KCNK10: variants seen among roughly 807,000 people sequenced by gnomAD.
KCNK10 encodes the protein potassium channel subfamily K member 10.
A neutral mutation model predicts 47.7 loss-of-function variants in KCNK10; 25 were observed. The observed-to-expected ratio is 0.52, with a 90% CI of 0.38 to 0.73. KCNK10 has a LOEUF of 0.73. Ranked by LOEUF, KCNK10 falls within the 30% of genes least tolerant of loss-of-function variation. The pLI is 0.00. For missense variants in KCNK10, 563 were observed against 714.5 expected, an observed-to-expected ratio of 0.79 and a Z score of 2.42; for synonymous variants, 303 against 285.6, an observed-to-expected ratio of 1.06 and a Z score of -0.61.
intron 4 of KCNK10, among the ~76,000 whole-genome samples, chr14:88,193,432 C>CT (rs1446447626): frequency 1.3e-4 from 20 of 152,288 alleles, no homozygotes; most frequent in African/African-American, 4.6e-4. Context: ...CTGAAAAACT[C>CT]TAAGCTGAAA....
intron 2 of KCNK10, among the ~76,000 whole-genome samples, chr14:88,262,494 C>T (rs958908531): frequency 1.3e-5 from 2 of 152,208 alleles, no homozygotes; most frequent in African/African-American, 4.8e-5. Context: ...CTTACCGCCA[C>T]AGTCCACCCC....
At chr14:88,224,727 C>T (rs950574020) in intron 4 of KCNK10, among the ~76,000 whole-genome samples, 1 of 152,152 alleles carries the variant, frequency 6.6e-6, no homozygotes, top group African/African-American at 2.4e-5. Flanking sequence ...CTAATGCCTC[C>T]GCCTCCCAAG....
chr14:88,268,366 C>T (rs576643227), intron 1 of KCNK10, among the ~76,000 whole-genome samples: 1 of 152,222 alleles, frequency 6.6e-6, no homozygotes. Flanking sequence ...ATCACCAACA[C>T]CCACTCCAGT....
At chr14:88,304,712 T>C (rs1888172231) in intron 1 of KCNK10, among the ~76,000 whole-genome samples, 1 of 152,236 alleles carries the variant, frequency 6.6e-6, no homozygotes, top group Non-Finnish European at 1.5e-5. Context: ...AATGCTGAAG[T>C]GCTATCCAGT....
chr14:88,270,864 T>G, intron 1 of KCNK10: 1 of 779,976 alleles, frequency 1.3e-6, no homozygotes, highest in Non-Finnish European at 2.4e-6. Context: ...AACAATGCTC[T>G]GAAGGCGCCA....
chr14:88,289,783 A>G (rs1212687111), intron 1 of KCNK10, among the ~76,000 whole-genome samples: 3 of 152,222 alleles, frequency 2.0e-5, no homozygotes, highest in African/African-American at 4.8e-5. Flanking sequence ...AATGGAAATT[A>G]TACCTTTCCC....
At chr14:88,281,751 T>TATAC (rs1491147685) in intron 1 of KCNK10, among the ~76,000 whole-genome samples, 1 of 138,124 alleles carries the variant, frequency 7.2e-6, no homozygotes, top group African/African-American at 2.6e-5. Context: ...TATATATATA[T>TATAC]ACACATACAC....
intron 1 of KCNK10, among the ~76,000 whole-genome samples, chr14:88,310,238 T>TATCATATG (rs1555365620): frequency 6.9e-6 from 1 of 145,970 alleles, no homozygotes; most frequent in Non-Finnish European, 1.5e-5. Context: ...TGATATACCA[T>TATCATATG]ATAAATGATA....
chr14:88,203,403 C>A (rs555068523), intron 4 of KCNK10, among the ~76,000 whole-genome samples: 1 of 152,174 alleles, frequency 6.6e-6, no homozygotes, highest in Admixed American at 6.5e-5. Flanking sequence ...TGCCTGCCTG[C>A]AACAGCTACT....
At chr14:88,230,573 G>T (rs1886132833) in intron 3 of KCNK10, among the ~76,000 whole-genome samples, 1 of 152,290 alleles carries the variant, frequency 6.6e-6, no homozygotes, top group Non-Finnish European at 1.5e-5. Flanking sequence ...TTGTTTAGTT[G>T]AGAGTGTGCT....
At chr14:88,291,766 G>A (rs117031311) in intron 1 of KCNK10, among the ~76,000 whole-genome samples, 1,677 of 152,288 alleles carry the variant, frequency 0.011, 10 homozygotes, top group Non-Finnish European at 0.018. Flanking sequence ...GCAGTGTTTG[G>A]CCTGTAATGC....
intron 1 of KCNK10, among the ~76,000 whole-genome samples, chr14:88,297,522 G>A (rs968934701): frequency 1.3e-5 from 2 of 152,162 alleles, no homozygotes; most frequent in African/African-American, 4.8e-5. Context: ...AGACAGCGTT[G>A]GTGGTTTTGA....
Position 88,186,187 on chromosome 14 carries a change from T to G in KCNK10, c.1012-32A>C, listed in dbSNP as rs1422914648. On this transcript the variant is annotated intron_variant, in intron 6 of 6. Coordinates refer to ENST00000319231, the MANE Select transcript of KCNK10 (RefSeq NM_138317.3). This position sits in a 1 kb window ranked among gnomAD's most constrained non-coding sequence, Gnocchi z 5.5. ...AAGAGACAGAAGAGCAACAATATGCTGACAAATGCCTCCCTGCCTTGGCCT... is the reference window on the plus strand; with the variant it reads ...AAGAGACAGAAGAGCAACAATATGCGGACAAATGCCTCCCTGCCTTGGCCT... 2 of 1,541,620 alleles carry G rather than the reference T, an allele frequency of 1.3e-6. No homozygotes were observed. The highest frequency in any genetic ancestry group is 2.7e-5 in the African/African-American group (2 of 72,954).
At position 88,323,088 on chromosome 14, in the gene KCNK10, G is replaced by A; in HGVS notation, c.-290C>T. The A allele has an allele frequency of 1.6e-6, 2 of 1,236,836 alleles. No individual in the cohort carries two copies. Among genetic ancestry groups the A allele is most frequent in the Non-Finnish European group, 2.0e-6 (2 of 979,786 alleles). The allele number at this position is 1,236,836 out of a possible 1,614,324, so 76.6% of individuals were successfully genotyped here. On this transcript the variant is annotated 5_prime_UTR_variant, in exon 1 of 7. Coordinates refer to ENST00000319231, the MANE Select transcript of KCNK10 (RefSeq NM_138317.3). ...GGGTGGATGAAAGGATGGAGAGGAA[G>A]GCTTGGGGAGATGGAAGAGCCAAGC...
intron 1 of KCNK10, among the ~76,000 whole-genome samples, chr14:88,310,201 A>ATATCATATACCATATCATATGGTC (rs2139798896): frequency 8.1e-6 from 1 of 123,700 alleles, no homozygotes; most frequent in East Asian, 2.2e-4. Flanking sequence ...ATCATATGGT[A>ATATCATATACCATATCATATGGTC]TATGATATAC....
chr14:88,286,455 C>T (rs916844311), intron 1 of KCNK10, among the ~76,000 whole-genome samples: 1 of 152,056 alleles, frequency 6.6e-6, no homozygotes, highest in Non-Finnish European at 1.5e-5. Flanking sequence ...TGGCAAAAAC[C>T]AGGACAGAAC....
chr14:88,266,252 G>A (rs1887250311), intron 1 of KCNK10, among the ~76,000 whole-genome samples: 1 of 152,198 alleles, frequency 6.6e-6, no homozygotes, highest in Non-Finnish European at 1.5e-5. Context: ...AGCGTCAAAT[G>A]GCAAACAGTT....
Position 88,314,899 on chromosome 14 carries a change from A to G in KCNK10, c.52+7848T>C, listed in dbSNP as rs940660023. Among the ~76,000 whole-genome samples, 9 of 152,334 alleles carry G rather than the reference A, an allele frequency of 5.9e-5. No individual in the cohort carries two copies. In the South Asian group the frequency reaches 1.9e-3, roughly 32 times the overall value. ...TCCCTATCTTGCAGATGAAGATACCAAGTCACAGAAAAATGAAGCAATGTT... is the reference window on the plus strand; with the variant it reads ...TCCCTATCTTGCAGATGAAGATACCGAGTCACAGAAAAATGAAGCAATGTT... On this transcript the variant is annotated intron_variant, in intron 1 of 6. Coordinates refer to ENST00000319231, the MANE Select transcript of KCNK10 (RefSeq NM_138317.3).
chr14:88,190,045 G>A (rs1197215263), intron 5 of KCNK10, among the ~76,000 whole-genome samples: 2 of 152,220 alleles, frequency 1.3e-5, no homozygotes, highest in Admixed American at 6.5e-5. Context: ...GCCTGGGACT[G>A]TGTAGGTTGT....
Sources: allele counts gnomAD v4.1 joint callset (sites outside exome capture counted in the v4.1 genomes callset), GRCh38; gene constraint gnomAD v4.1.1; non-coding constraint Gnocchi (gnomAD v3.1); transcripts MANE v1.5; gene names NCBI Gene and HGNC (gene_info 2026-07-23, HGNC 2026-07-21).